ASAP3: variants seen among roughly 807,000 people sequenced by gnomAD.
ASAP3 encodes the protein ArfGAP with SH3 domain, ankyrin repeat and PH domain 3, also known as arf-GAP with SH3 domain, ANK repeat and PH domain-containing protein 3.
ASAP3 carries 85 observed loss-of-function variants against 118.2 expected under a neutral mutation model. That is an observed-to-expected ratio of 0.72 (90% confidence interval 0.60 to 0.86). The LOEUF is 0.86. Ranked by LOEUF, ASAP3 falls within the 40% of genes least tolerant of loss-of-function variation. The probability of loss-of-function intolerance (pLI) is 0.00; values close to 1 mark genes in which losing one functional copy is unlikely to be tolerated. For synonymous variants in ASAP3, 432 were observed against 477.4 expected (o/e 0.90, Z 1.24); for missense variants, 1,026 against 1,175.0 (o/e 0.87, Z 1.85).
chr1:23,477,124 C>T (rs1642154904), intron 1 of ASAP3, among the ~76,000 whole-genome samples: 1 of 151,398 alleles, frequency 6.6e-6, no homozygotes, highest in South Asian at 2.1e-4. Flanking sequence ...TCAAGCAATT[C>T]TCGTGCCTCA....
intron 21 of ASAP3, 40 bp downstream of exon 21, chr1:23,433,385 T>C: frequency 6.2e-7 from 1 of 1,613,944 alleles, no homozygotes; most frequent in Non-Finnish European, 8.5e-7. Flanking sequence ...GCTCTTTCCT[T>C]CTGCCATCCA....
At chr1:23,476,870 G>GTT in intron 1 of ASAP3, among the ~76,000 whole-genome samples, 1 of 146,058 alleles carries the variant, frequency 6.8e-6, no homozygotes, top group East Asian at 2.0e-4. Flanking sequence ...CTCCTTTTTA[G>GTT]TTTTTTTTTT....
At chr1:23,463,862 T>C (rs1641674915) in intron 1 of ASAP3, among the ~76,000 whole-genome samples, 1 of 152,008 alleles carries the variant, frequency 6.6e-6, no homozygotes, top group Non-Finnish European at 1.5e-5. Context: ...CCTCCCAAAG[T>C]GCTGGGATTA....
At chr1:23,475,180 C>G (rs1642088903) in intron 1 of ASAP3, among the ~76,000 whole-genome samples, 1 of 152,148 alleles carries the variant, frequency 6.6e-6, no homozygotes, top group Non-Finnish European at 1.5e-5. Flanking sequence ...AATCAGAAGC[C>G]CTCACTACAG....
At chr1:23,430,483 C>G (rs1640384362) in intron 24 of ASAP3, among the ~76,000 whole-genome samples, 1 of 152,226 alleles carries the variant, frequency 6.6e-6, no homozygotes, top group Non-Finnish European at 1.5e-5. Flanking sequence ...TGCCCTGTCC[C>G]TGTCACATCC....
At chr1:23,433,891 C>G (rs1005090211) in intron 19 of ASAP3, among the ~76,000 whole-genome samples, 198 bp from the exon 20 acceptor site, 3 of 152,142 alleles carry the variant, frequency 2.0e-5, no homozygotes, top group African/African-American at 7.2e-5. Context: ...TTGGAACTAC[C>G]TGATGAAGTG....
At chr1:23,464,064 G>C (rs958490019) in intron 1 of ASAP3, among the ~76,000 whole-genome samples, 2 of 151,948 alleles carry the variant, frequency 1.3e-5, no homozygotes, top group Non-Finnish European at 2.9e-5. Flanking sequence ...GCCAGGTGTG[G>C]CGGCTCCCTC....
Position 23,436,605 on chromosome 1 carries a change from TG to T in ASAP3, c.1525del (p.Gln509SerfsTer134). 6.2e-7 allele frequency: 1 copy of T among 1,614,214 alleles called. No individual in the cohort carries two copies. The highest frequency in any genetic ancestry group is 8.5e-7 in the Non-Finnish European group (1 of 1,180,032). ...NTSFNEVMEA[Q>X]LPSHGGPKPS... ...TTTAGGGCCGCCGTGTGAGGGTAGC[TG>T]GGCCTCCATGACCTCATTGAAGCTC... On this transcript the variant is annotated frameshift_variant, in exon 16 of 25. Transcript: ENST00000336689. LOFTEE classifies it high-confidence loss of function. The surrounding 1 kb of genome is among the most constrained non-coding windows in gnomAD (Gnocchi z 4.2).
In ASAP3 at chr1:23,433,501, A is replaced by T; in HGVS notation, c.2051T>A (p.Phe684Tyr). Residue 684 changes from phenylalanine (F) to tyrosine (Y), a missense_variant, in exon 21 of 25, where the codon TTC becomes TAC. Phe to Tyr is a conservative substitution (Grantham distance 22). Transcript: ENST00000336689. Reference protein sequence around the residue: ...LEQAQAGTFAFPLHVDYSWVI... With the variant: ...LEQAQAGTFAYPLHVDYSWVI... ...CCAGGAGTAGTCCACATGTAGAGGG[A>T]AGGCAAAGGTCCCCGCCTGGGCCTG... is the stretch of plus-strand genomic sequence containing the variant. 1 of 1,614,164 alleles carries T rather than the reference A, an allele frequency of 6.2e-7. No homozygotes were observed. The highest frequency in any genetic ancestry group is 8.5e-7 in the Non-Finnish European group (1 of 1,180,022).
In ASAP3 at chr1:23,438,558, G is replaced by T. The variant is rs1230432211; in HGVS notation, c.1102+189C>A. On this transcript the variant is annotated intron_variant, in intron 12 of 24. Transcript: ENST00000336689. This position sits in a 1 kb window ranked among gnomAD's most constrained non-coding sequence, Gnocchi z 4.9. The stretch of plus-strand genomic sequence containing the variant: ...TAGCCACATTTATTATGTAAAGTGG[G>T]TGCATTTTGACATTTAATGTGATGT... 1.3e-5 allele frequency among the ~76,000 whole-genome samples: 2 copies of T among 152,152 alleles called. No individual in the cohort carries two copies. Among genetic ancestry groups the T allele is most frequent in the Non-Finnish European group, 2.9e-5 (2 of 68,034 alleles).
At chr1:23,471,101 C>T (rs1641948091) in intron 1 of ASAP3, among the ~76,000 whole-genome samples, 1 of 152,226 alleles carries the variant, frequency 6.6e-6, no homozygotes. Flanking sequence ...CCCTCCCTGC[C>T]CCCCACTTGG....
chr1:23,443,914 G>A (rs1640961065), intron 5 of ASAP3, among the ~76,000 whole-genome samples: 1 of 151,904 alleles, frequency 6.6e-6, no homozygotes, highest in Admixed American at 6.6e-5. Context: ...GTAGAGATGG[G>A]GTTTCACCGT....
At chr1:23,453,350 G>A (rs558937667) in intron 3 of ASAP3, among the ~76,000 whole-genome samples, 1 of 152,244 alleles carries the variant, frequency 6.6e-6, no homozygotes, top group South Asian at 2.1e-4. Context: ...CCCAGCCCCA[G>A]GATAGAGGGA....
intron 1 of ASAP3, among the ~76,000 whole-genome samples, chr1:23,459,170 C>CAAAAAA (rs59149141): frequency 1.6e-4 from 11 of 68,062 alleles, no homozygotes; most frequent in South Asian, 6.5e-4. Context: ...GACTCCATCT[C>CAAAAAA]AAAAAAAAAA....
Position 23,441,691 on chromosome 1 carries a change from G to A in ASAP3, c.711C>T (p.Phe237=). The A allele has an allele frequency of 6.2e-7, 1 of 1,614,168 alleles. No individual in the cohort carries two copies. The change falls in exon 8 of 25, where the codon TTC becomes TTT. Residue 237 remains phenylalanine (F), a synonymous_variant. Transcript: ENST00000336689. ...QDGWKAAQSL[F]PFIEKLAASV... The stretch of plus-strand genomic sequence containing the variant: ...AGGCCGCCAGCTTCTCGATGAAGGG[G>A]AACAGGCTCTGGGCAGCCTTCCAGC...
At chr1:23,468,514 C>G (rs1641848360) in intron 1 of ASAP3, among the ~76,000 whole-genome samples, 1 of 152,134 alleles carries the variant, frequency 6.6e-6, no homozygotes, top group Non-Finnish European at 1.5e-5. Flanking sequence ...GCTCTTTGGT[C>G]TCTGACGCCA....
chr1:23,431,872 AG>A lies in ASAP3; in HGVS notation c.2369del (p.Pro790LeufsTer13). ...SSLSSEAPET[P>X]ESLGSPASSS... ...AGGAGGCTGGACTGCCCAGGCTCTCAGGGGTCTCAGGGGCCTCTGAACTCAG... is the reference window on the plus strand; with the variant it reads ...AGGAGGCTGGACTGCCCAGGCTCTCAGGGTCTCAGGGGCCTCTGAACTCAG... On this transcript the variant is annotated frameshift_variant, in exon 23 of 25. Coordinates refer to ENST00000336689, the MANE Select transcript of ASAP3 (RefSeq NM_017707.4). LOFTEE classifies it high-confidence loss of function. 6.2e-7 allele frequency: 1 copy of A among 1,604,536 alleles called. No individual in the cohort carries two copies. Among genetic ancestry groups the A allele is most frequent in the East Asian group, 2.2e-5 (1 of 44,794 alleles).
At chr1:23,461,716 A>G (rs1641593647) in intron 1 of ASAP3, among the ~76,000 whole-genome samples, 1 of 151,896 alleles carries the variant, frequency 6.6e-6, no homozygotes, top group South Asian at 2.1e-4. Flanking sequence ...ATGCAAGGGT[A>G]CCCTCTGTCA....
At chr1:23,441,607 G>T (rs1266798400) in intron 8 of ASAP3, 48 bp downstream of exon 8, 1 of 1,610,642 alleles carries the variant, frequency 6.2e-7, no homozygotes, top group East Asian at 2.2e-5. Context: ...GATTTTCCTG[G>T]AAGGACAGGG....
Sources: gnomAD v4.1 joint callset for allele counts (sites outside exome capture counted in the v4.1 genomes callset) on GRCh38, gnomAD v4.1.1 for gene constraint, Gnocchi (gnomAD v3.1) non-coding constraint, MANE v1.5 for transcripts, NCBI Gene and HGNC (gene_info 2026-07-23, HGNC 2026-07-21) for gene names.